The following CEBPZ variants were observed in gnomAD, a reference collection of about 807,000 sequenced individuals.
The protein encoded by CEBPZ is CCAAT/enhancer-binding protein zeta.
A neutral mutation model predicts 104.5 loss-of-function variants in CEBPZ; 78 were observed. That is an observed-to-expected ratio of 0.75 (90% CI 0.62 to 0.90). CEBPZ has a LOEUF of 0.90. Among genes scored for constraint, CEBPZ ranks in the 40% least tolerant of loss-of-function variants. The pLI is 0.00. For missense variants in CEBPZ, 1,439 were observed against 1,233.5 expected, an observed-to-expected ratio of 1.17 and a Z score of -2.50; for synonymous variants, 470 against 427.0, an observed-to-expected ratio of 1.10 and a Z score of -1.24.
intron 13 of CEBPZ, chr2:37,204,838 T>C (rs1353123710): frequency 2.0e-5 from 3 of 152,256 alleles, no homozygotes; most frequent in South Asian, 2.1e-4. Context: ...TTCAGGCTAA[T>C]GTCTTCTGAA....
At chr2:37,217,677 C>T (rs567794220) in intron 5 of CEBPZ, among the ~76,000 whole-genome samples, 50 of 151,120 alleles carry the variant, frequency 3.3e-4, no homozygotes, top group Admixed American at 1.1e-3. Flanking sequence ...CTGAGGTGGG[C>T]GGATCACGAG....
At position 37,211,019 on chromosome 2, in the gene CEBPZ, T is replaced by G. The variant is rs2148347345; in HGVS notation, c.2864A>C (p.Asp955Ala). The G allele has an allele frequency of 6.2e-7, 1 of 1,611,054 alleles. No homozygotes were observed. The highest frequency in any genetic ancestry group is 1.7e-4 in the Middle Eastern group (1 of 6,046). ...KSKRKGTDDF[D>A]FAGSFQGPRK... ...CTTACCTTGAAATGAGCCAGCAAAG[T>G]CAAAATCATCTGTACCTTTTCTCTT... The change falls in exon 13 of 16, where the codon GAC becomes GCC. Residue 955 changes from aspartate to alanine, a missense_variant. Physicochemically the swap from Asp to Ala is moderately radical, Grantham distance 126. Coordinates refer to ENST00000234170, the MANE Select transcript of CEBPZ (RefSeq NM_005760.3).
intron 13 of CEBPZ, among the ~76,000 whole-genome samples, chr2:37,207,052 CAA>C (rs1288524649): frequency 2.6e-5 from 4 of 152,176 alleles, no homozygotes; most frequent in East Asian, 1.9e-4. Context: ...TTAAAAAAGA[CAA>C]AGAGGGACAT....
chr2:37,231,500 T>C lies in CEBPZ; in HGVS notation c.68A>G (p.Glu23Gly). 6.2e-7 allele frequency: 1 copy of C among 1,614,244 alleles called. No individual in the cohort carries two copies. The highest frequency in any genetic ancestry group is 8.5e-7 in the Non-Finnish European group (1 of 1,180,044). ...ATCCTCATCCTCCTCGTCCGGATCT[T>C]CTACTGCCTCCTCGGGGCGCCAAGG... is the stretch of plus-strand genomic sequence containing the variant. ...KRPWRPEEAV[E>G]DPDEEDEDNT... Residue 23 changes from glutamate to glycine, a missense_variant, in exon 1 of 16, where the codon GAA (glutamate) becomes GGA (glycine). Transcript: ENST00000234170.
At chr2:37,231,349 C>G in intron 1 of CEBPZ, 63 bp downstream of exon 1, 1 of 1,598,506 alleles carries the variant, frequency 6.3e-7, no homozygotes, top group African/African-American at 1.3e-5. Context: ...GCGGGGCAGT[C>G]AGCCTAGCCA....
At chr2:37,207,104 TA>T (rs1183364359) in intron 13 of CEBPZ, among the ~76,000 whole-genome samples, 4 of 152,144 alleles carry the variant, frequency 2.6e-5, no homozygotes, top group Admixed American at 2.6e-4. Context: ...AGAAATGTCA[TA>T]ATCCAAAATA....
intron 10 of CEBPZ, among the ~76,000 whole-genome samples, chr2:37,213,135 G>C (rs1317748880): frequency 1.3e-5 from 2 of 152,026 alleles, no homozygotes; most frequent in East Asian, 3.8e-4. Flanking sequence ...CATGTTTTTT[G>C]TTTAAGTCTA....
intron 13 of CEBPZ, among the ~76,000 whole-genome samples, chr2:37,206,549 G>A (rs919732509): frequency 6.6e-6 from 1 of 152,056 alleles, no homozygotes; most frequent in Non-Finnish European, 1.5e-5. Context: ...GTAGAGATAG[G>A]GTTTTGCCAT....
At position 37,202,967 on chromosome 2, in the gene CEBPZ, A is replaced by G. The variant is rs1677349472; in HGVS notation, c.2926T>C (p.Phe976Leu). 1 of 1,565,360 alleles carries G rather than the reference A, an allele frequency of 6.4e-7. No homozygotes were observed. Among genetic ancestry groups the G allele is most frequent in the Non-Finnish European group, 8.6e-7 (1 of 1,158,960 alleles). Residue 976 changes from phenylalanine (F) to leucine (L), a missense_variant, in exon 14 of 16, where the codon TTT (phenylalanine) becomes CTT (leucine). By Grantham distance (22) the Phe-to-Leu change is conservative. Transcript: ENST00000234170. ...AGCCTTACCTCTTCAGCAGATACAAATAGGCTGGAATCATTTAAGTTTCTT... is the reference window on the plus strand; with the variant it reads ...AGCCTTACCTCTTCAGCAGATACAAGTAGGCTGGAATCATTTAAGTTTCTT... ...KKRNLNDSSL[F>L]VSAEEFGHLL...
intron 2 of CEBPZ, among the ~76,000 whole-genome samples, chr2:37,226,738 A>G (rs909874129): frequency 6.6e-6 from 1 of 152,196 alleles, no homozygotes; most frequent in Non-Finnish European, 1.5e-5. Flanking sequence ...AGATATATCT[A>G]TGTAAAAATA....
chr2:37,206,343 A>G (rs1233570908), intron 13 of CEBPZ, among the ~76,000 whole-genome samples: 3 of 152,226 alleles, frequency 2.0e-5, no homozygotes, highest in African/African-American at 7.2e-5. Flanking sequence ...TGCTGAAAGG[A>G]GTTCTAAATC....
intron 10 of CEBPZ, among the ~76,000 whole-genome samples, chr2:37,212,927 T>C (rs1308345857): frequency 6.8e-6 from 1 of 147,752 alleles, no homozygotes; most frequent in Non-Finnish European, 1.5e-5. Flanking sequence ...TAGTCCCAGC[T>C]ACCCGTGGGG....
chr2:37,226,157 G>C (rs1478038897), intron 2 of CEBPZ, among the ~76,000 whole-genome samples: 2 of 151,768 alleles, frequency 1.3e-5, no homozygotes, highest in African/African-American at 4.8e-5. Context: ...TCCATATGCT[G>C]AACGCTGGTT....
intron 13 of CEBPZ, among the ~76,000 whole-genome samples, chr2:37,207,189 C>T (rs1166655545): frequency 6.6e-6 from 1 of 152,238 alleles, no homozygotes; most frequent in African/African-American, 2.4e-5. Context: ...AGACAGATGG[C>T]AACACAATAA....
Position 37,222,470 on chromosome 2 carries a change from T to A in CEBPZ, c.1975A>T (p.Lys659Ter), listed in dbSNP as rs756146587. 1.9e-6 allele frequency: 3 copies of A among 1,611,786 alleles called. No homozygotes were observed. Among genetic ancestry groups the A allele is most frequent in the Non-Finnish European group, 2.5e-6 (3 of 1,179,368 alleles). ...DADKETEIVK[K>*]LETEETVPET... ...GGAACTGTTTCCTCTGTCTCAAGTT[T>A]TTTCACTATCTCTGTTTCTTTGTCT... The change falls in exon 4 of 16, where the codon AAA becomes TAA. Residue 659 changes from lysine (K) to a stop codon, truncating the protein, a stop_gained. Transcript: ENST00000234170. LOFTEE classifies it high-confidence loss of function.
chr2:37,227,063 T>C (rs1377818735), intron 2 of CEBPZ, among the ~76,000 whole-genome samples: 1 of 152,218 alleles, frequency 6.6e-6, no homozygotes, highest in Non-Finnish European at 1.5e-5. Flanking sequence ...CCTGTGCACC[T>C]AGAGCATGGC....
Position 37,220,406 on chromosome 2 carries a change from T to C in CEBPZ, c.2133A>G (p.Thr711=), listed in dbSNP as rs199895473. 1.5e-4 allele frequency: 238 copies of C among 1,590,178 alleles called. 3 individuals carry two copies. The highest frequency in any genetic ancestry group is 6.8e-5 in the Admixed American group (4 of 58,652). Residue 711 remains threonine, a synonymous_variant, in exon 5 of 16, where the codon ACA becomes ACG. Coordinates refer to ENST00000234170, the MANE Select transcript of CEBPZ (RefSeq NM_005760.3). ...RNPLFCGAEN[T]SLWELKKLSV... Reference sequence around the variant, plus strand: ...TTACCTTTTTGAGTTCCCAAAGACTTGTATTTTCAGCTCCACAGAACAGAG... The same window carrying C: ...TTACCTTTTTGAGTTCCCAAAGACTCGTATTTTCAGCTCCACAGAACAGAG...
Position 37,216,334 on chromosome 2 carries a change from T to C in CEBPZ, c.2293A>G (p.Lys765Glu). The C allele has an allele frequency of 6.2e-7, 1 of 1,613,784 alleles. No homozygotes were observed. The change falls in exon 7 of 16, where the codon AAG (lysine) becomes GAG (glutamate). Residue 765 changes from lysine (K) to glutamate (E), a missense_variant. Coordinates refer to ENST00000234170, the MANE Select transcript of CEBPZ (RefSeq NM_005760.3). ...AGCATACCTTTGCCTTTATGGGGCT[T>C]TGGATTTCGGTATACAAATCGATCC... ...FLDRFVYRNP[K>E]PHKGKENTDS...
intron 13 of CEBPZ, 118 bp downstream of exon 13, chr2:37,210,881 G>T: frequency 1.9e-6 from 1 of 534,682 alleles, no homozygotes. Flanking sequence ...TTCTTAAAAA[G>T]AACCCCCCCC....
Sources: allele counts gnomAD v4.1 joint callset (sites outside exome capture counted in the v4.1 genomes callset), GRCh38; gene constraint gnomAD v4.1.1; transcripts MANE v1.5; gene names NCBI Gene and HGNC (gene_info 2026-07-23, HGNC 2026-07-21).